The following ADORA1 variants were observed in gnomAD, a reference collection of about 807,000 sequenced individuals.
ADORA1 encodes adenosine A1 receptor.
Under a neutral mutation model 19.9 loss-of-function variants are expected in ADORA1, and 6 were observed. That is an observed-to-expected ratio of 0.30 (90% confidence interval 0.17 to 0.59). ADORA1 has a LOEUF of 0.59. ADORA1 is among the 20% of genes least tolerant of loss of function. The pLI is 0.87. For missense variants in ADORA1, 302 were observed against 439.2 expected (o/e 0.69, Z 2.79); for synonymous variants, 194 against 188.4 (o/e 1.03, Z -0.24).
intron 3 of ADORA1, among the ~76,000 whole-genome samples, chr1:203,141,568 C>G (rs1250391800): frequency 7.7e-6 from 1 of 129,238 alleles, no homozygotes; most frequent in Non-Finnish European, 1.6e-5. Flanking sequence ...CTCCTCTAAC[C>G]TGGATTTTTT....
chr1:203,145,466 G>C (rs901107493), intron 3 of ADORA1, among the ~76,000 whole-genome samples: 1 of 152,222 alleles, frequency 6.6e-6, no homozygotes, highest in East Asian at 1.9e-4. Context: ...AGGTCCGGCC[G>C]CCTGTAAGGA....
chr1:203,136,412 AGCAGAACT>A (rs1421053787), intron 3 of ADORA1, among the ~76,000 whole-genome samples: 2 of 152,190 alleles, frequency 1.3e-5, no homozygotes, highest in Non-Finnish European at 2.9e-5. Flanking sequence ...TTTATTCCCC[AGCAGAACT>A]GCAGAGAGGT....
intron 3 of ADORA1, among the ~76,000 whole-genome samples, chr1:203,135,384 C>T (rs1252931089): frequency 1.3e-5 from 2 of 152,140 alleles, no homozygotes; most frequent in East Asian, 1.9e-4. Flanking sequence ...TGAGGCTGGG[C>T]GCGGTGGCTC....
At position 203,129,057 on chromosome 1, in the gene ADORA1, G is replaced by A. The variant is rs751162190; in HGVS notation, c.216G>A (p.Gly72=). Residue 72 remains glycine, a synonymous_variant, in exon 3 of 4, where the codon GGG becomes GGA. Transcript: ENST00000337894. Reference sequence around the variant, plus strand: ...CCCTCGCCATCCTCATCAACATTGGGCCACAGACCTACTTCCACACCTGCC... The same window carrying A: ...CCCTCGCCATCCTCATCAACATTGGACCACAGACCTACTTCCACACCTGCC... ...VIPLAILINI[G]PQTYFHTCLM... 1.2e-6 allele frequency: 2 copies of A among 1,614,108 alleles called. No individual in the cohort carries two copies. Among genetic ancestry groups the A allele is most frequent in the Non-Finnish European group, 1.7e-6 (2 of 1,180,012 alleles).
Position 203,128,134 on chromosome 1 carries a change from A to C in ADORA1, c.-212-144A>C. The C allele has an allele frequency of 2.9e-6, 1 of 346,168 alleles. No homozygotes were observed. Among genetic ancestry groups the C allele is most frequent in the Non-Finnish European group, 5.6e-6 (1 of 179,398 alleles). 21.4% of individuals were successfully genotyped at this position (346,168 alleles called of 1,614,324 possible). ...AGGGCAGGTGCGGGCACGCTGGGGA[A>C]TAGGGAGAAACGCCCCAGCCTTGTC... On this transcript the variant is annotated intron_variant, in intron 1 of 3. Coordinates refer to ENST00000337894, the MANE Select transcript of ADORA1 (RefSeq NM_000674.3). This position sits in a 1 kb window ranked among gnomAD's most constrained non-coding sequence, Gnocchi z 5.9.
Position 203,166,489 on chromosome 1 carries a change from CCA to C in ADORA1, c.*590_*591del, listed in dbSNP as rs1655558747. ...ACCTCTGAGGACTCTGGACCCCAGG[CCA>C]TACCAGGTGCTAGGGTGCCTGCTCT... On this transcript the variant is annotated 3_prime_UTR_variant, in exon 4 of 4. Transcript: ENST00000337894. 6.6e-6 allele frequency: 1 copy of C among 152,482 alleles called. No individual in the cohort carries two copies. The highest frequency in any genetic ancestry group is 2.4e-5 in the African/African-American group (1 of 41,448). The allele number at this position is 152,482 out of a possible 1,614,324, so 9.4% of individuals were successfully genotyped here.
At chr1:203,146,925 A>G (rs1654876577) in intron 3 of ADORA1, among the ~76,000 whole-genome samples, 1 of 152,208 alleles carries the variant, frequency 6.6e-6, no homozygotes, top group Admixed American at 6.5e-5. Flanking sequence ...GATGGGCTGG[A>G]GAAGCAGCCC....
chr1:203,151,487 G>A (rs1320518468), intron 3 of ADORA1, among the ~76,000 whole-genome samples: 1 of 152,216 alleles, frequency 6.6e-6, no homozygotes, highest in Non-Finnish European at 1.5e-5. Flanking sequence ...GTTTATCTAT[G>A]TCCTTGCAAC....
chr1:203,132,637 G>C (rs1430007057), intron 3 of ADORA1, among the ~76,000 whole-genome samples: 1 of 152,146 alleles, frequency 6.6e-6, no homozygotes, highest in African/African-American at 2.4e-5. Context: ...GAGACCAGGA[G>C]TTCGAGATCA....
At chr1:203,163,217 A>G (rs575810883) in intron 3 of ADORA1, among the ~76,000 whole-genome samples, 1 of 152,360 alleles carries the variant, frequency 6.6e-6, no homozygotes, top group South Asian at 2.1e-4. Context: ...AGGGGTAAGA[A>G]GAGCTCAGGC....
Position 203,128,349 on chromosome 1 carries a change from G to A in ADORA1, c.-141G>A, listed in dbSNP as rs202223469. 7.8e-7 allele frequency: 1 copy of A among 1,290,080 alleles called. No individual in the cohort carries two copies. The highest frequency in any genetic ancestry group is 2.3e-5 in the Admixed American group (1 of 43,550). The allele number at this position is 1,290,080 out of a possible 1,614,324, so 79.9% of individuals were successfully genotyped here. A position where few individuals can be genotyped will look rare whatever the true frequency, so the allele number is the denominator to read the frequency against. On this transcript the variant is annotated 5_prime_UTR_variant, in exon 2 of 4. Transcript: ENST00000337894. The surrounding 1 kb of genome is among the most constrained non-coding windows in gnomAD (Gnocchi z 5.9). ...CGCGCGTTGTCCAGAGCCCAGCCCA[G>A]CCCTACCGCGCGCGGCCCGGAGCTC...
intron 3 of ADORA1, among the ~76,000 whole-genome samples, chr1:203,134,543 C>G (rs1192435984): frequency 1.3e-5 from 2 of 152,216 alleles, no homozygotes; most frequent in Non-Finnish European, 2.9e-5. Flanking sequence ...CCGGAAGTTT[C>G]TGAGTGCTTG....
chr1:203,133,213 A>G lies in ADORA1; in HGVS notation c.341+4031A>G, dbSNP rs577737502. Among the ~76,000 whole-genome samples, 9 of 151,778 alleles carry G rather than the reference A, an allele frequency of 5.9e-5. No homozygotes were observed. The South Asian group carries it at 1.9e-3, about 32-fold the overall frequency. On this transcript the variant is annotated intron_variant, in intron 3 of 3. Coordinates refer to ENST00000337894, the MANE Select transcript of ADORA1 (RefSeq NM_000674.3). The stretch of plus-strand genomic sequence containing the variant: ...ACTGCAACCTCCACCTCCCAGGTTC[A>G]AGCGATTCTCCTGCCTCAGCCTCCT...
intron 3 of ADORA1, among the ~76,000 whole-genome samples, chr1:203,156,761 G>A (rs1216569350): frequency 6.6e-6 from 1 of 152,208 alleles, no homozygotes; most frequent in Admixed American, 6.5e-5. Context: ...TGGAGGCTGG[G>A]AAGTCTAAGA....
rs576649723 is a variant in ADORA1 at position 203,167,176 on chromosome 1, G to A, written c.*1276G>A. 2 of 151,488 alleles carry A rather than the reference G, an allele frequency of 1.3e-5. No individual in the cohort carries two copies. The highest frequency in any genetic ancestry group is 3.8e-4 in the East Asian group (2 of 5,206). 9.4% of individuals were successfully genotyped at this position (151,488 alleles called of 1,614,324 possible). ...AGGTGGGGGAGCCTGGAGCCCCTGT[G>A]TGGGAGGGCGAGGCGGGGGAGCCTG... On this transcript the variant is annotated 3_prime_UTR_variant, in exon 4 of 4. Coordinates refer to ENST00000337894, the MANE Select transcript of ADORA1 (RefSeq NM_000674.3).
At chr1:203,147,710 G>C (rs1320745409) in intron 3 of ADORA1, among the ~76,000 whole-genome samples, 2 of 152,132 alleles carry the variant, frequency 1.3e-5, no homozygotes, top group Non-Finnish European at 2.9e-5. Context: ...AGGATACTGG[G>C]GAATATAAAA....
chr1:203,136,428 G>C (rs1571785193), intron 3 of ADORA1, among the ~76,000 whole-genome samples: 1 of 152,320 alleles, frequency 6.6e-6, no homozygotes, highest in Non-Finnish European at 1.5e-5. Flanking sequence ...ACTGCAGAGA[G>C]GTGTGGGGCT....
intron 3 of ADORA1, among the ~76,000 whole-genome samples, chr1:203,148,009 A>G (rs1223825253): frequency 6.6e-6 from 1 of 152,192 alleles, no homozygotes; most frequent in Non-Finnish European, 1.5e-5. Context: ...ATTTGAGGTC[A>G]GGAGTCTAAG....
At chr1:203,133,406 C>T (rs1156978409) in intron 3 of ADORA1, among the ~76,000 whole-genome samples, 1 of 152,194 alleles carries the variant, frequency 6.6e-6, no homozygotes, top group Non-Finnish European at 1.5e-5. Flanking sequence ...TGAGCCACCT[C>T]GCCTGGCCTC....
Sources: gnomAD v4.1 joint callset for allele counts (sites outside exome capture counted in the v4.1 genomes callset) on GRCh38, gnomAD v4.1.1 for gene constraint, Gnocchi (gnomAD v3.1) non-coding constraint, MANE v1.5 for transcripts, NCBI Gene and HGNC (gene_info 2026-07-23, HGNC 2026-07-21) for gene names.